The following C1orf141 variants were observed in gnomAD, a reference collection of about 807,000 sequenced individuals.
The protein encoded by C1orf141 is chromosome 1 open reading frame 141.
C1orf141 carries 19 observed loss-of-function variants against 23.2 expected under a neutral mutation model. The ratio of observed to expected loss-of-function variants is 0.82; its 90% CI spans 0.57 to 1.20. The LOEUF (loss-of-function observed/expected upper bound fraction) is 1.20. C1orf141 is among the 50% of genes most tolerant of loss of function. C1orf141 has a pLI of 0.00. For missense variants in C1orf141, 469 were observed against 455.1 expected, an observed-to-expected ratio of 1.03 and a Z score of -0.28; for synonymous variants, 153 against 154.6, an observed-to-expected ratio of 0.99 and a Z score of 0.08.
At chr1:67,109,219 C>T (rs1281779777) in intron 5 of C1orf141, among the ~76,000 whole-genome samples, 4 of 149,732 alleles carry the variant, frequency 2.7e-5, no homozygotes, top group African/African-American at 7.4e-5. Context: ...CCCAGCTACT[C>T]GGGAGGCTGA....
At chr1:67,113,812 G>T (rs1646131700) in intron 5 of C1orf141, 1 of 720,570 alleles carries the variant, frequency 1.4e-6, no homozygotes, top group Non-Finnish European at 2.1e-6. Context: ...ATTATGGAAG[G>T]CCAGGTGATT....
At chr1:67,118,290 T>G (rs1184178067) in intron 4 of C1orf141, among the ~76,000 whole-genome samples, 1 of 152,086 alleles carries the variant, frequency 6.6e-6, no homozygotes, top group Non-Finnish European at 1.5e-5. Flanking sequence ...AGAAAACTGG[T>G]GGGGGAAAAA....
intron 7 of C1orf141, chr1:67,094,510 G>A (rs1645628162): frequency 6.6e-6 from 1 of 152,186 alleles, no homozygotes; most frequent in South Asian, 2.1e-4. Context: ...AAAAGTATTG[G>A]GAAAACTATT....
chr1:67,102,214 T>A (rs190799170), intron 5 of C1orf141, among the ~76,000 whole-genome samples: 1 of 151,984 alleles, frequency 6.6e-6, no homozygotes, highest in African/African-American at 2.4e-5. Context: ...TCCTTAGTAG[T>A]TACTGTACAA....
intron 4 of C1orf141, among the ~76,000 whole-genome samples, chr1:67,119,407 C>G (rs1218205948): frequency 6.6e-6 from 1 of 152,030 alleles, no homozygotes. Flanking sequence ...TAGTTCTAAG[C>G]AAAGTGTTGA....
upstream of C1orf141, among the ~76,000 whole-genome samples, chr1:67,139,667 CT>C (rs1343542562): frequency 5.3e-5 from 8 of 152,202 alleles, no homozygotes; most frequent in African/African-American, 1.9e-4. Context: ...TCATGTTGAA[CT>C]TTAATCTCCA....
At chr1:67,119,801 C>A (rs576882133) in intron 4 of C1orf141, among the ~76,000 whole-genome samples, 6 of 152,332 alleles carry the variant, frequency 3.9e-5, no homozygotes, top group African/African-American at 1.4e-4. Flanking sequence ...CTACTGTATG[C>A]AGCTGTTCAG....
At chr1:67,118,760 C>A (rs1440352839) in intron 4 of C1orf141, among the ~76,000 whole-genome samples, 2 of 152,168 alleles carry the variant, frequency 1.3e-5, no homozygotes, top group Non-Finnish European at 2.9e-5. Flanking sequence ...CTCCTTCTCT[C>A]CCTGTCTCTG....
chr1:67,101,790 A>G (rs1240322138), intron 5 of C1orf141, among the ~76,000 whole-genome samples: 1 of 152,118 alleles, frequency 6.6e-6, no homozygotes, highest in African/African-American at 2.4e-5. Context: ...ACTTTGATAA[A>G]AAGGATAAAA....
intron 5 of C1orf141, chr1:67,113,482 C>T (rs1175920838): frequency 4.7e-6 from 1 of 211,698 alleles, no homozygotes; most frequent in Non-Finnish European, 9.5e-6. Context: ...TCTCCTGCCT[C>T]AGCCTCTCAA....
chr1:67,124,851 C>T (rs1558203526), intron 4 of C1orf141, among the ~76,000 whole-genome samples: 1 of 152,174 alleles, frequency 6.6e-6, no homozygotes, highest in African/African-American at 2.4e-5. Flanking sequence ...GTGCTTTGTA[C>T]TTAGGCACAG....
At chr1:67,141,420 T>TA (rs796387333) in intron 1 of C1orf141, among the ~76,000 whole-genome samples, 35 of 145,284 alleles carry the variant, frequency 2.4e-4, no homozygotes, top group Admixed American at 3.4e-4. Context: ...AAAAGCCTCT[T>TA]AAAAAAAAAA....
chr1:67,106,398 G>A lies in C1orf141; in HGVS notation c.346+8954C>T, dbSNP rs150060656. Among the ~76,000 whole-genome samples the A allele has an allele frequency of 1.6e-3, 251 of 152,236 alleles. 2 individuals carry two copies. The highest frequency in any genetic ancestry group is 6.0e-3 in the African/African-American group (249 of 41,538). On this transcript the variant is annotated intron_variant, in intron 5 of 7. Transcript: ENST00000684719. ...ACGGCAGCTCATGCCTGTTATCCCAGCCCTTTAAGAGGCTGAGGCGGGTGG... is the reference window on the plus strand; with the variant it reads ...ACGGCAGCTCATGCCTGTTATCCCAACCCTTTAAGAGGCTGAGGCGGGTGG...
At chr1:67,137,150 C>G (rs1162083193), upstream of C1orf141, among the ~76,000 whole-genome samples, 1 of 152,170 alleles carries the variant, frequency 6.6e-6, no homozygotes, top group Non-Finnish European at 1.5e-5. Context: ...ACTTCTGACA[C>G]CAAGTTCAGG....
At chr1:67,135,940 A>ACTAT (rs1646582022), upstream of C1orf141, among the ~76,000 whole-genome samples, 1 of 141,250 alleles carries the variant, frequency 7.1e-6, no homozygotes, top group Non-Finnish European at 1.5e-5. Context: ...ATAGTTATGT[A>ACTAT]GCAATCCAAA....
chr1:67,118,310 T>C (rs1646235804), intron 4 of C1orf141, among the ~76,000 whole-genome samples: 1 of 152,156 alleles, frequency 6.6e-6, no homozygotes, highest in African/African-American at 2.4e-5. Context: ...AAGAAAAATA[T>C]CAGAATTGTG....
Position 67,106,034 on chromosome 1 carries a change from A to G in C1orf141, c.346+9318T>C, listed in dbSNP as rs139372537. ...TCTCTGGTTAACCCCTAAACCATGC[A>G]TGTTTAGAAACTCCTGCAAGCAGAC... On this transcript the variant is annotated intron_variant, in intron 5 of 7. Coordinates refer to ENST00000684719, the MANE Select transcript of C1orf141 (RefSeq NM_001276351.2). Among the ~76,000 whole-genome samples, 264 of 152,340 alleles carry G rather than the reference A, an allele frequency of 1.7e-3. 4 individuals carry two copies. The East Asian group carries it at 0.03, about 17-fold the overall frequency.
intron 1 of C1orf141, among the ~76,000 whole-genome samples, chr1:67,131,783 CTT>C (rs1362861103): frequency 7.0e-6 from 1 of 143,064 alleles, no homozygotes; most frequent in Non-Finnish European, 1.5e-5. Flanking sequence ...AAGACTACCT[CTT>C]CTTTTTTTTT....
intron 2 of C1orf141, among the ~76,000 whole-genome samples, chr1:67,129,502 G>A (rs946114868): frequency 6.6e-6 from 1 of 152,048 alleles, no homozygotes; most frequent in African/African-American, 2.4e-5. Flanking sequence ...CTGGGCCATG[G>A]GGGTGCAAGC....
Sources: gnomAD v4.1 joint callset for allele counts (sites outside exome capture counted in the v4.1 genomes callset) on GRCh38, gnomAD v4.1.1 for gene constraint, MANE v1.5 for transcripts, NCBI Gene and HGNC (gene_info 2026-07-23, HGNC 2026-07-21) for gene names.